Variants in ANO2 observed in about 807,000 individuals in gnomAD.
ANO2 encodes the protein anoctamin 2.
Under a neutral mutation model 124.2 loss-of-function variants are expected in ANO2, and 101 were observed. The observed-to-expected ratio is 0.81, with a 90% CI of 0.69 to 0.96. The LOEUF (loss-of-function observed/expected upper bound fraction) is 0.96, where lower values mean the gene tolerates loss of function less well. Among genes scored for constraint, ANO2 ranks in the 40% least tolerant of loss-of-function variants. The pLI is 0.00. For synonymous variants in ANO2, 486 were observed against 482.5 expected (o/e 1.01, Z -0.09); for missense variants, 1,293 against 1,274.5 (o/e 1.01, Z -0.22).
At chr12:5,714,140 C>T (rs913846354) in intron 14 of ANO2, among the ~76,000 whole-genome samples, 8 of 152,210 alleles carry the variant, frequency 5.3e-5, no homozygotes, top group African/African-American at 9.7e-5. Context: ...AGTAGATTAT[C>T]TGCCACTCTA....
intron 3 of ANO2, 41 bp downstream of exon 3, chr12:5,920,999 G>A (rs3825332): frequency 0.18 from 289,925 of 1,568,288 alleles, 27,864 homozygotes; most frequent in Middle Eastern, 0.2. Flanking sequence ...GTTCTGTGGT[G>A]CCATTCCATC....
intron 23 of ANO2, among the ~76,000 whole-genome samples, chr12:5,566,725 C>T (rs1236376909): frequency 1.3e-5 from 2 of 152,174 alleles, no homozygotes; most frequent in African/African-American, 4.8e-5. Flanking sequence ...ATTGTTACCC[C>T]AGCATAACAC....
intron 10 of ANO2, among the ~76,000 whole-genome samples, chr12:5,783,942 C>T (rs1952472327): frequency 6.6e-6 from 1 of 152,192 alleles, no homozygotes; most frequent in African/African-American, 2.4e-5. Flanking sequence ...CAAACAACAT[C>T]CTTAAAGTTT....
chr12:5,867,444 A>ATGT (rs1955455934), intron 3 of ANO2, among the ~76,000 whole-genome samples: 1 of 152,196 alleles, frequency 6.6e-6, no homozygotes, highest in African/African-American at 2.4e-5. Context: ...AGAGACACCA[A>ATGT]ACATGCTTCG....
rs183015366 is a variant in ANO2, at chr12:5,770,562, C to T, written c.1056-19592G>A. Reference sequence around the variant, plus strand: ...CCAATTCATCAGTAAATCCTATAGACGCTACTTTCAAAAATACACCAAATC... The same window carrying T: ...CCAATTCATCAGTAAATCCTATAGATGCTACTTTCAAAAATACACCAAATC... On this transcript the variant is annotated intron_variant, in intron 10 of 24. Coordinates refer to ENST00000682330, the MANE Select transcript of ANO2 (RefSeq NM_001364791.2). Among the ~76,000 whole-genome samples the T allele has an allele frequency of 1.1e-3, 174 of 152,186 alleles. 1 individual carries two copies. The highest frequency in any genetic ancestry group is 2.1e-3 in the Non-Finnish European group (140 of 68,008).
chr12:5,761,794 A>C (rs1464959214), intron 10 of ANO2, among the ~76,000 whole-genome samples: 1 of 152,182 alleles, frequency 6.6e-6, no homozygotes, highest in Non-Finnish European at 1.5e-5. Flanking sequence ...TTTGGTAAAT[A>C]AGATTACTTT....
intron 15 of ANO2, among the ~76,000 whole-genome samples, chr12:5,646,155 T>A (rs1946628162): frequency 6.6e-6 from 1 of 152,192 alleles, no homozygotes. Flanking sequence ...CTAATTTCTA[T>A]CCTCCCTGCT....
At chr12:5,571,143 A>T (rs1437212965) in intron 23 of ANO2, among the ~76,000 whole-genome samples, 3 of 152,220 alleles carry the variant, frequency 2.0e-5, no homozygotes, top group Non-Finnish European at 2.9e-5. Flanking sequence ...ACCTCCAAGC[A>T]GACCCGCTGG....
At chr12:5,881,977 A>C (rs1348021101) in intron 3 of ANO2, among the ~76,000 whole-genome samples, 1 of 152,206 alleles carries the variant, frequency 6.6e-6, no homozygotes, top group African/African-American at 2.4e-5. Context: ...TCTTTCAGGC[A>C]AAGGTTAGAG....
At chr12:5,710,443 T>G (rs1396142752) in intron 14 of ANO2, among the ~76,000 whole-genome samples, 1 of 152,192 alleles carries the variant, frequency 6.6e-6, no homozygotes, top group Non-Finnish European at 1.5e-5. Flanking sequence ...ATTTAATAGA[T>G]TGTTTCATAT....
intron 10 of ANO2, among the ~76,000 whole-genome samples, chr12:5,768,982 G>C (rs1951985769): frequency 6.6e-6 from 1 of 152,198 alleles, no homozygotes; most frequent in African/African-American, 2.4e-5. Flanking sequence ...AGAAAGTACA[G>C]TAACAAGAGG....
At chr12:5,910,866 G>C (rs886201780) in intron 3 of ANO2, among the ~76,000 whole-genome samples, 2 of 152,156 alleles carry the variant, frequency 1.3e-5, no homozygotes, top group African/African-American at 4.8e-5. Context: ...TAAAGACTCT[G>C]TCTACCACGT....
At chr12:5,569,673 G>A (rs1242348927) in intron 23 of ANO2, among the ~76,000 whole-genome samples, 4 of 152,282 alleles carry the variant, frequency 2.6e-5, no homozygotes, top group Middle Eastern at 3.4e-3. Flanking sequence ...CCAGCGCTGA[G>A]CATAGAGGAG....
intron 4 of ANO2, among the ~76,000 whole-genome samples, chr12:5,846,254 C>G (rs4764509): frequency 0.87 from 132,518 of 152,132 alleles, 59,180 homozygotes; most frequent in East Asian, 1. Context: ...TTCATAACAA[C>G]GTGAGCCTCT....
At chr12:5,876,088 G>A (rs1387891490) in intron 3 of ANO2, among the ~76,000 whole-genome samples, 1 of 152,178 alleles carries the variant, frequency 6.6e-6, no homozygotes, top group Non-Finnish European at 1.5e-5. Context: ...CCCAGCTGAG[G>A]AGGAAGGAAG....
At chr12:5,855,272 T>G (rs999074262) in intron 3 of ANO2, among the ~76,000 whole-genome samples, 4 of 152,236 alleles carry the variant, frequency 2.6e-5, no homozygotes, top group Non-Finnish European at 2.9e-5. Context: ...GGCAGAGAGA[T>G]AGATGGCAAA....
chr12:5,634,677 G>A (rs1458476277), intron 16 of ANO2, among the ~76,000 whole-genome samples: 1 of 152,236 alleles, frequency 6.6e-6, no homozygotes, highest in Non-Finnish European at 1.5e-5. Context: ...TGGGGAATGT[G>A]TGGATTTTCT....
chr12:5,612,559 A>G, intron 19 of ANO2, 97 bp downstream of exon 19: 1 of 973,260 alleles, frequency 1.0e-6, no homozygotes, highest in African/African-American at 1.6e-5. Context: ...CAAGCTGTCT[A>G]AGAAGAGGAA....
chr12:5,671,274 G>C (rs950245277), intron 14 of ANO2, among the ~76,000 whole-genome samples: 1 of 151,986 alleles, frequency 6.6e-6, no homozygotes, highest in Non-Finnish European at 1.5e-5. Context: ...CCAAAGCACT[G>C]GGCAGGCATT....
Sources: gnomAD v4.1 joint callset for allele counts (sites outside exome capture counted in the v4.1 genomes callset) on GRCh38, gnomAD v4.1.1 for gene constraint, MANE v1.5 for transcripts, NCBI Gene and HGNC (gene_info 2026-07-23, HGNC 2026-07-21) for gene names.